CD200R1: variants seen among roughly 807,000 people sequenced by gnomAD.
CD200R1 encodes CD200 receptor 1.
In CD200R1, 30 loss-of-function variants were observed where a neutral mutation model predicts 38.1. The observed-to-expected ratio is 0.79, with a 90% confidence interval of 0.59 to 1.07. The LOEUF (loss-of-function observed/expected upper bound fraction) is 1.07, where lower values mean the gene tolerates loss of function less well. CD200R1 is among the 50% of genes least tolerant of loss of function. CD200R1 has a pLI of 0.00. For missense variants in CD200R1, 372 were observed against 415.4 expected (o/e 0.90, Z 0.91); for synonymous variants, 128 against 152.1 (o/e 0.84, Z 1.16).
chr3:112,972,232 A>G (rs1308881285), intron 1 of CD200R1, among the ~76,000 whole-genome samples: 1 of 152,202 alleles, frequency 6.6e-6, no homozygotes, highest in Non-Finnish European at 1.5e-5. Context: ...AGATAGGACT[A>G]AAGTTATTAA....
chr3:112,951,329 GC>G (rs1406376476), intron 1 of CD200R1, among the ~76,000 whole-genome samples: 1 of 151,936 alleles, frequency 6.6e-6, no homozygotes, highest in Non-Finnish European at 1.5e-5. Context: ...AAACTGAAAA[GC>G]CTTATATCTT....
chr3:112,957,836 C>A (rs950942834), intron 1 of CD200R1, among the ~76,000 whole-genome samples: 3 of 151,900 alleles, frequency 2.0e-5, no homozygotes, highest in African/African-American at 7.3e-5. Flanking sequence ...TGAACAGACC[C>A]CTCATGAAAA....
intron 1 of CD200R1, among the ~76,000 whole-genome samples, chr3:112,948,832 T>G (rs1218085721): frequency 2.0e-5 from 3 of 152,210 alleles, no homozygotes; most frequent in African/African-American, 7.2e-5. Context: ...CACAGAGATA[T>G]CATAATAAAC....
chr3:112,970,017 C>G (rs956033844), intron 1 of CD200R1, among the ~76,000 whole-genome samples: 1 of 145,082 alleles, frequency 6.9e-6, no homozygotes, highest in Non-Finnish European at 1.5e-5. Flanking sequence ...ACAAAAAATA[C>G]AAAAAAAAAA....
intron 1 of CD200R1, among the ~76,000 whole-genome samples, chr3:112,949,043 T>A (rs1456617684): frequency 1.3e-5 from 2 of 152,214 alleles, no homozygotes; most frequent in African/African-American, 2.4e-5. Context: ...TAGCTGGATC[T>A]AAGTACATGA....
chr3:112,922,285 T>C lies in CD200R1; in HGVS notation c.*1392A>G, dbSNP rs878892147. 4 of 152,134 alleles carry C rather than the reference T, an allele frequency of 2.6e-5. No homozygotes were observed. The East Asian group carries it at 5.8e-4, about 22-fold the overall frequency. The allele number at this position is 152,134 out of a possible 1,614,324, so 9.4% of individuals were successfully genotyped here. On this transcript the variant is annotated 3_prime_UTR_variant, in exon 8 of 8. Transcript: ENST00000308611. ...TATCATGATGAAAAAACTTCTCATGTTTTTTCTGCTATGGAGCAAATAGAC... is the reference window on the plus strand; with the variant it reads ...TATCATGATGAAAAAACTTCTCATGCTTTTTCTGCTATGGAGCAAATAGAC...
intron 3 of CD200R1, among the ~76,000 whole-genome samples, chr3:112,930,550 G>A (rs1940404445): frequency 6.6e-6 from 1 of 152,220 alleles, no homozygotes; most frequent in South Asian, 2.1e-4. Flanking sequence ...GACACAATGT[G>A]TCAGTGACTT....
chr3:112,963,369 C>T (rs1164316438), intron 1 of CD200R1, among the ~76,000 whole-genome samples: 1 of 152,130 alleles, frequency 6.6e-6, no homozygotes, highest in African/African-American at 2.4e-5. Context: ...TTAGGAACAT[C>T]CTAGAGACTT....
At chr3:112,971,312 G>A (rs927593943) in intron 1 of CD200R1, among the ~76,000 whole-genome samples, 1 of 152,176 alleles carries the variant, frequency 6.6e-6, no homozygotes, top group Non-Finnish European at 1.5e-5. Flanking sequence ...TACATGTTCA[G>A]TACTAATGAA....
chr3:112,936,470 T>G (rs1387151502), intron 2 of CD200R1, among the ~76,000 whole-genome samples: 1 of 152,204 alleles, frequency 6.6e-6, no homozygotes, highest in Non-Finnish European at 1.5e-5. Flanking sequence ...CATCTGTTGT[T>G]TCTGGACTTT....
chr3:112,954,454 T>C (rs1941040800), intron 1 of CD200R1, among the ~76,000 whole-genome samples: 1 of 152,208 alleles, frequency 6.6e-6, no homozygotes, highest in Non-Finnish European at 1.5e-5. Context: ...TTGTGTATGC[T>C]CATTAGTTGA....
At chr3:112,963,670 A>G (rs1279522573) in intron 1 of CD200R1, among the ~76,000 whole-genome samples, 1 of 152,200 alleles carries the variant, frequency 6.6e-6, no homozygotes, top group Non-Finnish European at 1.5e-5. Flanking sequence ...GAAGCAGAGC[A>G]CAAAAGTTGA....
In CD200R1 at chr3:112,923,725, T is replaced by C. The variant is rs79556290; in HGVS notation, c.999A>G (p.Ala333=). The C allele has an allele frequency of 0.043, 69,686 of 1,606,298 alleles. 2,381 individuals are homozygous for C. Among genetic ancestry groups the C allele is most frequent in the East Asian group, 0.19 (8,471 of 44,312 alleles). ...PLYDTTNKVK[A]SEALQSEVDT... ...CAACTTCACTTTGTAATGCCTCAGA[T>C]GCCTTCACCTTGTTTGTAGTATCAT... Residue 333 remains alanine (A), a synonymous_variant, in exon 8 of 8, where the codon GCA becomes GCG. Transcript: ENST00000308611.
intron 1 of CD200R1, among the ~76,000 whole-genome samples, chr3:112,968,269 G>T (rs1933216471): frequency 6.6e-6 from 1 of 152,102 alleles, no homozygotes. Context: ...AAGCAAAAAA[G>T]CATAATAATA....
intron 2 of CD200R1, among the ~76,000 whole-genome samples, chr3:112,933,957 A>T (rs1940516467): frequency 6.6e-6 from 1 of 152,038 alleles, no homozygotes; most frequent in Non-Finnish European, 1.5e-5. Context: ...AAAGAATTTT[A>T]AAAAAATAAA....
chr3:112,939,896 C>T (rs924113605), intron 2 of CD200R1, among the ~76,000 whole-genome samples: 11 of 141,896 alleles, frequency 7.8e-5, no homozygotes, highest in African/African-American at 2.9e-4. Flanking sequence ...CAAGCTGCGG[C>T]ATCACACTAA....
intron 5 of CD200R1, among the ~76,000 whole-genome samples, chr3:112,925,692 C>A (rs540342595): frequency 2.0e-5 from 3 of 152,100 alleles, no homozygotes; most frequent in Admixed American, 6.6e-5. Context: ...TGGGCGAAGG[C>A]AGGGCTTATA....
Position 112,929,398 on chromosome 3 carries a change from C to G in CD200R1, c.312G>C (p.Gln104His), listed in dbSNP as rs1426267451. The G allele has an allele frequency of 6.2e-7, 1 of 1,613,976 alleles. No individual in the cohort carries two copies. The highest frequency in any genetic ancestry group is 8.5e-7 in the Non-Finnish European group (1 of 1,179,898). The change falls in exon 4 of 8, where the codon CAG becomes CAC. Residue 104 changes from glutamine (Q) to histidine (H), a missense_variant. Physicochemically the swap from Gln to His is conservative, Grantham distance 24. Transcript: ENST00000308611. ...TCTTGTAGGCTTTTGTGCAGGAAGG[C>G]TGGCCTCTCAGGATTATTTCCCATG... ...IITWEIILRGQPSCTKAYKKE... is the reference protein window; with the variant it reads ...IITWEIILRGHPSCTKAYKKE...
intron 2 of CD200R1, among the ~76,000 whole-genome samples, chr3:112,938,145 A>G (rs1281578601): frequency 1.3e-5 from 2 of 152,146 alleles, no homozygotes; most frequent in Non-Finnish European, 2.9e-5. Flanking sequence ...AACAAAGATA[A>G]CTTGAGTTCC....
Sources: allele counts gnomAD v4.1 joint callset (sites outside exome capture counted in the v4.1 genomes callset), GRCh38; gene constraint gnomAD v4.1.1; transcripts MANE v1.5; gene names NCBI Gene and HGNC (gene_info 2026-07-23, HGNC 2026-07-21).